The following SLC9A4 variants were observed in gnomAD, a reference collection of about 807,000 sequenced individuals.
The protein encoded by SLC9A4 is sodium/hydrogen exchanger 4.
In SLC9A4, 63 loss-of-function variants were observed where a neutral mutation model predicts 67.4. That is an observed-to-expected ratio of 0.93 (90% CI 0.76 to 1.15). The LOEUF is 1.15. SLC9A4 is among the 50% of genes most tolerant of loss of function. The pLI is 0.00. For synonymous variants in SLC9A4, 393 were observed against 367.2 expected (o/e 1.07, Z -0.80); for missense variants, 1,089 against 987.7 (o/e 1.10, Z -1.38).
At chr2:102,519,819 G>A in intron 8 of SLC9A4, 40 bp from the exon 9 acceptor site, 1 of 1,603,334 alleles carries the variant, frequency 6.2e-7, no homozygotes, top group Middle Eastern at 1.7e-4. Flanking sequence ...CTTGCCAAAT[G>A]AAAGAATAAT....
At position 102,496,922 on chromosome 2, in the gene SLC9A4, GT is replaced by G. The variant is rs531372181; in HGVS notation, c.721-6522del. Among the ~76,000 whole-genome samples, 76 of 152,308 alleles carry G rather than the reference GT, an allele frequency of 5.0e-4. 1 individual carries two copies. The highest frequency in any genetic ancestry group is 4.6e-3 in the Admixed American group (70 of 15,286). On this transcript the variant is annotated intron_variant, in intron 2 of 11. Coordinates refer to ENST00000295269, the MANE Select transcript of SLC9A4 (RefSeq NM_001011552.4). ...GTGTGTAAAATGATATGATGACTTT[GT>G]TTTGTTTTTAATCTATTTTTGAGAG... is the stretch of plus-strand genomic sequence containing the variant.
intron 4 of SLC9A4, among the ~76,000 whole-genome samples, chr2:102,507,133 C>T (rs905399403): frequency 7.2e-5 from 11 of 152,144 alleles, no homozygotes; most frequent in African/African-American, 2.7e-4. Context: ...AGTCTGAGGA[C>T]AGGAAATGGT....
At position 102,503,524 on chromosome 2, in the gene SLC9A4, G is replaced by C. The variant is rs1187226425; in HGVS notation, c.797G>C (p.Gly266Ala). Residue 266 changes from glycine (G) to alanine (A), a missense_variant, in exon 3 of 12, where the codon GGA becomes GCA. By Grantham distance (60) the Gly-to-Ala change is moderately conservative. Coordinates refer to ENST00000295269, the MANE Select transcript of SLC9A4 (RefSeq NM_001011552.4). Reference sequence around the variant, plus strand: ...ATAGAAACTGTCGACATTTTGGCTGGATGTGCCCGATTCATCGTTGTGGGG... The same window carrying C: ...ATAGAAACTGTCGACATTTTGGCTGCATGTGCCCGATTCATCGTTGTGGGG... The part of the protein sequence containing the change: ...EDIETVDILA[G>A]CARFIVVGLG... The C allele has an allele frequency of 6.2e-7, 1 of 1,614,144 alleles. No individual in the cohort carries two copies. Among genetic ancestry groups the C allele is most frequent in the Admixed American group, 1.7e-5 (1 of 60,014 alleles).
In SLC9A4 at chr2:102,532,451, G is replaced by A; in HGVS notation, c.2160G>A (p.Arg720=). The change falls in exon 12 of 12, where the codon AGG becomes AGA. Residue 720 remains arginine, a synonymous_variant. Transcript: ENST00000295269. ...IIPMKSLHRG[R]KAFSFGYQRN... ...CAATGAAGAGCCTACACAGAGGAAG[G>A]AAGGCATTCAGCTTTGGTTATCAAA... 6.2e-7 allele frequency: 1 copy of A among 1,614,214 alleles called. No homozygotes were observed. The highest frequency in any genetic ancestry group is 8.5e-7 in the Non-Finnish European group (1 of 1,180,034).
chr2:102,513,198 G>T (rs1685202655), intron 7 of SLC9A4, among the ~76,000 whole-genome samples: 1 of 152,170 alleles, frequency 6.6e-6, no homozygotes, highest in Non-Finnish European at 1.5e-5. Flanking sequence ...GATCGACCCA[G>T]TTGGAATAAG....
chr2:102,521,476 C>T (rs1388273008), intron 9 of SLC9A4, among the ~76,000 whole-genome samples: 2 of 152,118 alleles, frequency 1.3e-5, no homozygotes, highest in Non-Finnish European at 1.5e-5. Flanking sequence ...GGGGAGAACA[C>T]AATTGATAAA....
chr2:102,517,549 T>A (rs1040001783), intron 8 of SLC9A4, among the ~76,000 whole-genome samples: 3 of 152,174 alleles, frequency 2.0e-5, no homozygotes, highest in Non-Finnish European at 4.4e-5. Context: ...GACTGTAGGG[T>A]AACTATAGTT....
chr2:102,507,593 G>T (rs1202297638), intron 4 of SLC9A4, among the ~76,000 whole-genome samples: 2 of 151,990 alleles, frequency 1.3e-5, no homozygotes, highest in Non-Finnish European at 2.9e-5. Context: ...CCAACAGTAA[G>T]GGATTTGATT....
At chr2:102,481,928 A>T (rs1298448893) in intron 2 of SLC9A4, among the ~76,000 whole-genome samples, 2 of 152,088 alleles carry the variant, frequency 1.3e-5, no homozygotes, top group East Asian at 3.9e-4. Context: ...CAACAATAGT[A>T]CAGAGAGGAA....
intron 3 of SLC9A4, 83 bp downstream of exon 3, chr2:102,503,790 G>A: frequency 6.5e-7 from 1 of 1,527,760 alleles, no homozygotes; most frequent in Non-Finnish European, 8.8e-7. Context: ...ATCTGGGAAA[G>A]ACATAACCAA....
chr2:102,478,763 C>A, intron 1 of SLC9A4, 76 bp from the exon 2 acceptor site: 1 of 1,437,820 alleles, frequency 7.0e-7, no homozygotes, highest in Non-Finnish European at 9.5e-7. Context: ...GTCCTGTCTG[C>A]TTGACTTTAA....
chr2:102,504,345 G>A (rs1685005630), intron 3 of SLC9A4, among the ~76,000 whole-genome samples: 1 of 152,174 alleles, frequency 6.6e-6, no homozygotes, highest in African/African-American at 2.4e-5. Flanking sequence ...GTTGAAGAGA[G>A]GCATGCACGA....
At chr2:102,512,825 G>A (rs1481486637) in intron 7 of SLC9A4, among the ~76,000 whole-genome samples, 1 of 152,234 alleles carries the variant, frequency 6.6e-6, no homozygotes, top group African/African-American at 2.4e-5. Context: ...GGCTAGAGTT[G>A]TCAGTGAGTA....
At chr2:102,510,231 GGATACAGATACAGATACA>G (rs1553413618) in intron 6 of SLC9A4, among the ~76,000 whole-genome samples, 19 of 137,020 alleles carry the variant, frequency 1.4e-4, no homozygotes, top group African/African-American at 5.2e-4. Flanking sequence ...ATACGGATAC[GGATACAGATACAGATACA>G]GATACAGATA....
At chr2:102,508,357 A>C (rs1685091468) in intron 5 of SLC9A4, 76 bp downstream of exon 5, 1 of 1,313,512 alleles carries the variant, frequency 7.6e-7, no homozygotes, top group African/African-American at 1.5e-5. Flanking sequence ...ATACAAATAA[A>C]GGCATTTTAT....
chr2:102,479,009 G>A lies in SLC9A4; in HGVS notation c.427G>A (p.Gly143Ser), dbSNP rs754982353. The A allele has an allele frequency of 8.1e-6, 13 of 1,614,180 alleles. No homozygotes were observed. Among genetic ancestry groups the A allele is most frequent in the Non-Finnish European group, 1.1e-5 (13 of 1,180,048 alleles). Residue 143 changes from glycine to serine, a missense_variant, in exon 2 of 12, where the codon GGC (glycine) becomes AGC (serine). Transcript: ENST00000295269. ...YLLPPIVLEG[G>S]YFMPTRPFFE... ...CCTGCCACCCATCGTTCTGGAGGGC[G>A]GCTACTTCATGCCCACCCGGCCCTT... is the stretch of plus-strand genomic sequence containing the variant.
At chr2:102,485,567 CA>C (rs1684570030) in intron 2 of SLC9A4, among the ~76,000 whole-genome samples, 1 of 152,202 alleles carries the variant, frequency 6.6e-6, no homozygotes, top group South Asian at 2.1e-4. Context: ...AATTTCTCTC[CA>C]TGCCATTCCC....
chr2:102,480,361 T>C (rs973150845), intron 2 of SLC9A4, among the ~76,000 whole-genome samples: 154 of 118,660 alleles, frequency 1.3e-3, no homozygotes, highest in African/African-American at 5.4e-3. Context: ...CCGTGTCTTG[T>C]TTTTTTTTTT....
chr2:102,484,682 G>A (rs6719307), intron 2 of SLC9A4, among the ~76,000 whole-genome samples: 2,364 of 152,224 alleles, frequency 0.016, 53 homozygotes, highest in African/African-American at 0.05. Flanking sequence ...ATCTGCCTTC[G>A]TTTTCTTGGA....
Sources: allele counts gnomAD v4.1 joint callset (sites outside exome capture counted in the v4.1 genomes callset), GRCh38; gene constraint gnomAD v4.1.1; transcripts MANE v1.5; gene names NCBI Gene and HGNC (gene_info 2026-07-23, HGNC 2026-07-21).